Variants in HIBCH observed in about 807,000 individuals in gnomAD.
The protein encoded by HIBCH is 3-hydroxyisobutyryl-CoA hydrolase, also known as 3-hydroxyisobutyryl-CoA hydrolase, mitochondrial.
Under a neutral mutation model 58.2 loss-of-function variants are expected in HIBCH, and 50 were observed. That is an observed-to-expected ratio of 0.86 (90% CI 0.68 to 1.09). The LOEUF (loss-of-function observed/expected upper bound fraction) is 1.09, where lower values mean the gene tolerates loss of function less well. HIBCH is among the 50% of genes least tolerant of loss of function. HIBCH has a pLI of 0.00. For missense variants in HIBCH, 450 were observed against 449.7 expected (o/e 1.00, Z -0.01); for synonymous variants, 151 against 146.9 (o/e 1.03, Z -0.20).
At chr2:190,308,441 G>T (rs1575764609) in intron 2 of HIBCH, among the ~76,000 whole-genome samples, 1 of 152,180 alleles carries the variant, frequency 6.6e-6, no homozygotes, top group East Asian at 1.9e-4. Context: ...GATTGGGCAT[G>T]ACAGTTCTGC....
chr2:190,275,496 G>A (rs886066939), intron 6 of HIBCH, among the ~76,000 whole-genome samples: 1 of 152,134 alleles, frequency 6.6e-6, no homozygotes, highest in Non-Finnish European at 1.5e-5. Flanking sequence ...ACAGGATCTA[G>A]CTTGAGGTCC....
chr2:190,241,064 A>C (rs1166270963), intron 11 of HIBCH, among the ~76,000 whole-genome samples: 2 of 152,178 alleles, frequency 1.3e-5, no homozygotes, highest in Admixed American at 1.3e-4. Flanking sequence ...TAACATTGAA[A>C]GTAGGGTGTT....
At position 190,197,852 on chromosome 2, in the gene HIBCH, C is replaced by G. The variant is rs1390518248; in HGVS notation, c.*17+7248G>C. ...AAAAGGTCTTAAAAAACAGAATATT[C>G]TGATGGTTCCACTGATGGTTCCACT... On this transcript the variant is annotated intron_variant, in intron 1 of 1. Transcript: ENST00000399855. The surrounding 1 kb of genome is among the most constrained non-coding windows in gnomAD (Gnocchi z 4.0). 6.6e-6 allele frequency among the ~76,000 whole-genome samples: 1 copy of G among 150,834 alleles called. No individual in the cohort carries two copies. Among genetic ancestry groups the G allele is most frequent in the Admixed American group, 6.6e-5 (1 of 15,246 alleles).
In HIBCH at chr2:190,209,050, C is replaced by G. The variant is rs1178714822; in HGVS notation, c.1012-137G>C. 1.4e-6 allele frequency: 1 copy of G among 736,050 alleles called. No homozygotes were observed. The highest frequency in any genetic ancestry group is 2.4e-6 in the Non-Finnish European group (1 of 414,652). The allele number at this position is 736,050 out of a possible 1,614,324, so 45.6% of individuals were successfully genotyped here. ...CCATGACATTCAGAGACTGAACCAC[C>G]TCTGATAGCCCACTCTCTGATCACC... On this transcript the variant is annotated intron_variant, in intron 12 of 13. Coordinates refer to ENST00000359678, the MANE Select transcript of HIBCH (RefSeq NM_014362.4). This position sits in a 1 kb window ranked among gnomAD's most constrained non-coding sequence, Gnocchi z 5.6.
chr2:190,267,503 A>G (rs1397940023), intron 6 of HIBCH, among the ~76,000 whole-genome samples: 10 of 152,156 alleles, frequency 6.6e-5, no homozygotes, highest in Non-Finnish European at 4.4e-5. Context: ...TGCCAAGATT[A>G]GTCATTTTTA....
rs1016614657 is a variant in HIBCH at position 190,292,785 on chromosome 2, G to A, written c.304+1761C>T. ...AAAGGAAAGGAATGTAAGTTTTATC[G>A]CCTTTGGAATGAAGCTCTTTTACCT... On this transcript the variant is annotated intron_variant, in intron 4 of 13. Coordinates refer to ENST00000359678, the MANE Select transcript of HIBCH (RefSeq NM_014362.4). 5.3e-5 allele frequency among the ~76,000 whole-genome samples: 8 copies of A among 152,094 alleles called. No homozygotes were observed. In the East Asian group the frequency reaches 7.7e-4, roughly 15 times the overall value.
At position 190,205,239 on chromosome 2, in the gene HIBCH, A is replaced by C; in HGVS notation, c.1046-7T>G. The stretch of plus-strand genomic sequence containing the variant: ...TGGTCTTTATCAATTAAAACTGTCA[A>C]GAGAAGATACAAATGTTAATACCAT... On this transcript the variant is annotated splice_region_variant and splice_polypyrimidine_tract_variant and intron_variant, in intron 13 of 13. Transcript: ENST00000359678. 7.1e-7 allele frequency: 1 copy of C among 1,405,686 alleles called. No homozygotes were observed. The highest frequency in any genetic ancestry group is 1.7e-5 in the Admixed American group (1 of 59,624). 87.1% of individuals were successfully genotyped at this position (1,405,686 alleles called of 1,614,324 possible).
In HIBCH at chr2:190,210,296, T is replaced by C. The variant is rs891325676; in HGVS notation, c.1012-1383A>G. On this transcript the variant is annotated intron_variant, in intron 12 of 13. Coordinates refer to ENST00000359678, the MANE Select transcript of HIBCH (RefSeq NM_014362.4). The surrounding 1 kb of genome is among the most constrained non-coding windows in gnomAD (Gnocchi z 5.5). Reference sequence around the variant, plus strand: ...ATGACACTTCTAACCTCGTCTACACTTTGACAGCGTTCAACACTGTCCATT... The same window carrying C: ...ATGACACTTCTAACCTCGTCTACACCTTGACAGCGTTCAACACTGTCCATT... 8.5e-5 allele frequency among the ~76,000 whole-genome samples: 13 copies of C among 152,170 alleles called. No individual in the cohort carries two copies. Among genetic ancestry groups the C allele is most frequent in the Non-Finnish European group, 1.5e-4 (10 of 68,034 alleles).
rs780503085 is a variant in HIBCH at position 190,216,392 on chromosome 2, T to C, written c.892-3317A>G. ...TGAAATGACCATTAAGGTTTTGTTGTTGTTTTACTGAGAGGCTGTAAGTCC... is the reference window on the plus strand; with the variant it reads ...TGAAATGACCATTAAGGTTTTGTTGCTGTTTTACTGAGAGGCTGTAAGTCC... On this transcript the variant is annotated intron_variant, in intron 11 of 13. Transcript: ENST00000359678. The surrounding 1 kb of genome is among the most constrained non-coding windows in gnomAD (Gnocchi z 4.2). 3.9e-5 allele frequency among the ~76,000 whole-genome samples: 6 copies of C among 152,194 alleles called. No homozygotes were observed. Among genetic ancestry groups the C allele is most frequent in the Admixed American group, 1.3e-4 (2 of 15,276 alleles).
chr2:190,245,989 C>CAAA (rs527873173), intron 10 of HIBCH, among the ~76,000 whole-genome samples, 165 bp downstream of exon 10: 2 of 60,244 alleles, frequency 3.3e-5, no homozygotes, highest in Admixed American at 1.8e-4. Context: ...GACTCTGTCT[C>CAAA]AAAAAAAAAA....
intron 4 of HIBCH, among the ~76,000 whole-genome samples, chr2:190,290,813 G>A (rs757987484): frequency 2.0e-5 from 3 of 152,124 alleles, no homozygotes; most frequent in Non-Finnish European, 4.4e-5. Flanking sequence ...TTGAGGCCAG[G>A]AGTTTGAGAC....
intron 1 of HIBCH, among the ~76,000 whole-genome samples, chr2:190,192,446 C>G (rs1290900160): frequency 7.5e-6 from 1 of 132,886 alleles, no homozygotes; most frequent in Non-Finnish European, 1.6e-5. Flanking sequence ...ATGTATAATT[C>G]AGAATCTGTG....
chr2:190,226,208 A>G (rs1408825966), intron 11 of HIBCH, among the ~76,000 whole-genome samples: 2 of 152,208 alleles, frequency 1.3e-5, no homozygotes, highest in African/African-American at 4.8e-5. Flanking sequence ...CAAGACAGGG[A>G]TGCCCTCTCT....
rs1219100427 is a variant in HIBCH at position 190,209,550 on chromosome 2, C to T, written c.1012-637G>A. 1.3e-5 allele frequency among the ~76,000 whole-genome samples: 2 copies of T among 152,172 alleles called. No homozygotes were observed. The highest frequency in any genetic ancestry group is 3.8e-4 in the East Asian group (2 of 5,198). On this transcript the variant is annotated intron_variant, in intron 12 of 13. Transcript: ENST00000359678. This position sits in a 1 kb window ranked among gnomAD's most constrained non-coding sequence, Gnocchi z 5.6. ...TCTCAGCCAGTTACTTAACCTCTGA[C>T]TTCTTTAAAAATACGAGAAGCTCTT...
In HIBCH at chr2:190,215,044, T is replaced by C. The variant is rs1166495977; in HGVS notation, c.892-1969A>G. ...AATGCACCTCTAACAAGTACTGAGG[T>C]TAGGAATTTTAAAAAGGAAATGAGG... On this transcript the variant is annotated intron_variant, in intron 11 of 13. Coordinates refer to ENST00000359678, the MANE Select transcript of HIBCH (RefSeq NM_014362.4). This position sits in a 1 kb window ranked among gnomAD's most constrained non-coding sequence, Gnocchi z 4.4. 1 of 152,064 alleles carries C rather than the reference T, an allele frequency of 6.6e-6. No homozygotes were observed. Among genetic ancestry groups the C allele is most frequent in the Non-Finnish European group, 1.5e-5 (1 of 68,022 alleles). 9.4% of individuals were successfully genotyped at this position (152,064 alleles called of 1,614,324 possible). A position where few individuals can be genotyped will look rare whatever the true frequency, so the allele number is the denominator to read the frequency against.
At chr2:190,245,002 G>C in intron 10 of HIBCH, 34 bp from the exon 11 acceptor site, 2 of 1,272,358 alleles carry the variant, frequency 1.6e-6, no homozygotes, top group Non-Finnish European at 2.3e-6. Context: ...TCACCAATGT[G>C]TAAGTGATTT....
At position 190,213,568 on chromosome 2, in the gene HIBCH, C is replaced by T. The variant is rs1299374715; in HGVS notation, c.892-493G>A. 2.9e-5 allele frequency: 5 copies of T among 171,670 alleles called. No homozygotes were observed. The South Asian group carries it at 5.7e-4, about 19-fold the overall frequency. The allele number at this position is 171,670 out of a possible 1,614,324, so 10.6% of individuals were successfully genotyped here. A position where few individuals can be genotyped will look rare whatever the true frequency, so the allele number is the denominator to read the frequency against. On this transcript the variant is annotated intron_variant, in intron 11 of 13. Transcript: ENST00000359678. ...TCCCGCTTCGTCCCCTTTTCCCCCA[C>T]TTAGCTGCCCTCACCCGAACCAAAG...
At chr2:190,262,252 AAAG>A (rs932336350) in intron 6 of HIBCH, among the ~76,000 whole-genome samples, 3 of 152,188 alleles carry the variant, frequency 2.0e-5, no homozygotes, top group Non-Finnish European at 4.4e-5. Context: ...AAACACATAA[AAAG>A]AAGCAGAGAT....
At chr2:190,299,675 GTTTT>G (rs905985058) in intron 2 of HIBCH, among the ~76,000 whole-genome samples, 11 of 151,876 alleles carry the variant, frequency 7.2e-5, no homozygotes, top group African/African-American at 2.7e-4. Context: ...TTTTGTTTTT[GTTTT>G]TTTAACTTTT....
Sources: gnomAD v4.1 joint callset for allele counts (sites outside exome capture counted in the v4.1 genomes callset) on GRCh38, gnomAD v4.1.1 for gene constraint, Gnocchi (gnomAD v3.1) non-coding constraint, MANE v1.5 for transcripts, NCBI Gene and HGNC (gene_info 2026-07-23, HGNC 2026-07-21) for gene names.